The following HCN1 variants were observed in gnomAD, a reference collection of about 807,000 sequenced individuals.
HCN1 encodes the protein potassium/sodium hyperpolarization-activated cyclic nucleotide-gated channel 1.
Under a neutral mutation model 78.9 loss-of-function variants are expected in HCN1, and 13 were observed. The ratio of observed to expected loss-of-function variants is 0.16; its 90% CI spans 0.11 to 0.26. HCN1 has a LOEUF of 0.26. Among genes scored for constraint, HCN1 ranks in the 10% least tolerant of loss-of-function variants. HCN1 has a pLI of 1.00. For synonymous variants in HCN1, 552 were observed against 455.5 expected (o/e 1.21, Z -2.70); for missense variants, 810 against 1,154.3 (o/e 0.70, Z 4.32).
At chr5:45,672,757 G>A (rs1746176058) in intron 1 of HCN1, among the ~76,000 whole-genome samples, 1 of 151,220 alleles carries the variant, frequency 6.6e-6, no homozygotes, top group Non-Finnish European at 1.5e-5. Context: ...TATGTTCTCT[G>A]AGTCCTTGTT....
chr5:45,335,268 C>G (rs1036214479), intron 5 of HCN1, among the ~76,000 whole-genome samples: 2 of 152,054 alleles, frequency 1.3e-5, no homozygotes, highest in Non-Finnish European at 2.9e-5. Context: ...AATAGACATT[C>G]TTGCTTTGTA....
chr5:45,313,194 C>A (rs1220352064), intron 5 of HCN1, among the ~76,000 whole-genome samples: 1 of 152,156 alleles, frequency 6.6e-6, no homozygotes, highest in Admixed American at 6.5e-5. Context: ...CAGGCAGCAA[C>A]ATTTGCTGTT....
intron 3 of HCN1, among the ~76,000 whole-genome samples, chr5:45,432,955 C>T (rs1173619750): frequency 6.6e-6 from 1 of 152,078 alleles, no homozygotes; most frequent in African/African-American, 2.4e-5. Flanking sequence ...TACATGGAGG[C>T]AGGCAAGAGA....
chr5:45,637,506 G>T (rs72763947), intron 2 of HCN1, among the ~76,000 whole-genome samples: 387 of 151,300 alleles, frequency 2.6e-3, no homozygotes, highest in Non-Finnish European at 4.4e-3. Context: ...ATATGTAATT[G>T]TAAAGGCACA....
intron 2 of HCN1, among the ~76,000 whole-genome samples, chr5:45,494,367 T>G (rs959165769): frequency 1.6e-4 from 24 of 152,250 alleles, no homozygotes; most frequent in African/African-American, 5.8e-4. Context: ...GTGAGCATTT[T>G]TCATGTGTTT....
At chr5:45,565,993 T>A (rs1652843940) in intron 2 of HCN1, among the ~76,000 whole-genome samples, 1 of 152,238 alleles carries the variant, frequency 6.6e-6, no homozygotes, top group African/African-American at 2.4e-5. Flanking sequence ...GGTGGTATAA[T>A]GATTTGTGTA....
At chr5:45,319,592 T>A (rs1299940472) in intron 5 of HCN1, among the ~76,000 whole-genome samples, 1 of 151,814 alleles carries the variant, frequency 6.6e-6, no homozygotes, top group Non-Finnish European at 1.5e-5. Context: ...GAGTTCTTTT[T>A]TTGGGGATAT....
intron 4 of HCN1, among the ~76,000 whole-genome samples, chr5:45,379,618 T>C (rs1747763629): frequency 6.6e-6 from 1 of 152,132 alleles, no homozygotes; most frequent in Non-Finnish European, 1.5e-5. Flanking sequence ...TATTTGTGTT[T>C]TTCTGCTTAA....
intron 3 of HCN1, among the ~76,000 whole-genome samples, chr5:45,446,261 T>A (rs1740794943): frequency 6.6e-6 from 1 of 152,106 alleles, no homozygotes; most frequent in African/African-American, 2.4e-5. Context: ...CAGGAGCCAA[T>A]GCGATCAACT....
At chr5:45,334,875 T>G (rs1189965796) in intron 5 of HCN1, among the ~76,000 whole-genome samples, 1 of 151,984 alleles carries the variant, frequency 6.6e-6, no homozygotes, top group Non-Finnish European at 1.5e-5. Flanking sequence ...TTAGTTAACT[T>G]TAAACACATT....
At chr5:45,350,326 T>A (rs201472146) in intron 5 of HCN1, among the ~76,000 whole-genome samples, 1 of 151,902 alleles carries the variant, frequency 6.6e-6, no homozygotes, top group East Asian at 1.9e-4. Flanking sequence ...ATTCAACAAC[T>A]CTTCATGCTA....
chr5:45,337,976 C>G (rs1285681318), intron 5 of HCN1, among the ~76,000 whole-genome samples: 3 of 152,120 alleles, frequency 2.0e-5, no homozygotes, highest in Non-Finnish European at 4.4e-5. Context: ...TTTGAAATAT[C>G]AGCTAACTGA....
intron 4 of HCN1, among the ~76,000 whole-genome samples, chr5:45,364,716 G>A (rs2111995937): frequency 6.6e-6 from 1 of 152,130 alleles, no homozygotes; most frequent in Admixed American, 6.6e-5. Flanking sequence ...CTTTCTCTGA[G>A]TAATTTTCCC....
chr5:45,683,933 AGTGCTAGGATTACAGGCATGAGCCACC>A (rs774925065), intron 1 of HCN1, among the ~76,000 whole-genome samples: 145 of 152,196 alleles, frequency 9.5e-4, no homozygotes, highest in Middle Eastern at 3.4e-3. Flanking sequence ...AGCCTCCCAA[AGTGCTAGGATTACAGGCATGAGCCACC>A]GTGCCTGGTC....
intron 1 of HCN1, among the ~76,000 whole-genome samples, chr5:45,664,360 T>A: frequency 7.0e-6 from 1 of 142,436 alleles, no homozygotes; most frequent in Non-Finnish European, 1.5e-5. Flanking sequence ...TAATGCTAGA[T>A]GACACGTTAG....
chr5:45,381,580 G>A (rs755223010), intron 4 of HCN1, among the ~76,000 whole-genome samples: 1 of 152,030 alleles, frequency 6.6e-6, no homozygotes, highest in Non-Finnish European at 1.5e-5. Context: ...ATCCATCAGG[G>A]CTAGGTCCGA....
At chr5:45,524,006 A>C (rs1222523802) in intron 2 of HCN1, among the ~76,000 whole-genome samples, 2 of 152,134 alleles carry the variant, frequency 1.3e-5, no homozygotes, top group Non-Finnish European at 2.9e-5. Flanking sequence ...CTAACATTTA[A>C]GTCTTTAATC....
At chr5:45,326,951 C>A (rs951597216) in intron 5 of HCN1, among the ~76,000 whole-genome samples, 1 of 151,648 alleles carries the variant, frequency 6.6e-6, no homozygotes, top group Non-Finnish European at 1.5e-5. Flanking sequence ...TGTTCACTTC[C>A]ATTTGATTAT....
chr5:45,394,404 T>A (rs947148117), intron 4 of HCN1, among the ~76,000 whole-genome samples: 2 of 152,108 alleles, frequency 1.3e-5, no homozygotes, highest in African/African-American at 4.8e-5. Flanking sequence ...AATAAAAAGA[T>A]AATAATTTAG....
Sources: gnomAD v4.1 joint callset for allele counts (sites outside exome capture counted in the v4.1 genomes callset) on GRCh38, gnomAD v4.1.1 for gene constraint, MANE v1.5 for transcripts, NCBI Gene and HGNC (gene_info 2026-07-23, HGNC 2026-07-21) for gene names.